RTN1: variants seen among roughly 807,000 people sequenced by gnomAD.
The protein encoded by RTN1 is reticulon 1.
RTN1 carries 25 observed loss-of-function variants against 65.5 expected under a neutral mutation model. That is an observed-to-expected ratio of 0.38 (90% confidence interval 0.28 to 0.53). The LOEUF (loss-of-function observed/expected upper bound fraction) is 0.53. RTN1 is among the 20% of genes least tolerant of loss of function. RTN1 has a pLI of 0.79. For missense variants in RTN1, 983 were observed against 1,025.4 expected (o/e 0.96, Z 0.57); for synonymous variants, 471 against 447.6 (o/e 1.05, Z -0.66).
chr14:59,709,909 C>G (rs1884379014), intron 3 of RTN1, among the ~76,000 whole-genome samples: 1 of 152,144 alleles, frequency 6.6e-6, no homozygotes, highest in South Asian at 2.1e-4. Context: ...TCTCATTGTT[C>G]AAAGTTAGCT....
At chr14:59,761,601 T>G (rs181423420) in intron 1 of RTN1, among the ~76,000 whole-genome samples, 1 of 152,262 alleles carries the variant, frequency 6.6e-6, no homozygotes, top group African/African-American at 2.4e-5. Flanking sequence ...CAAAACAGAC[T>G]GAAGAAGACC....
At chr14:59,617,063 A>G (rs193158716) in intron 3 of RTN1, among the ~76,000 whole-genome samples, 68 of 152,382 alleles carry the variant, frequency 4.5e-4, no homozygotes, top group Middle Eastern at 3.4e-3. Flanking sequence ...CATAAGTGTA[A>G]TAACAATCTG....
chr14:59,638,777 G>A (rs1288394947), intron 3 of RTN1, among the ~76,000 whole-genome samples: 4 of 152,202 alleles, frequency 2.6e-5, no homozygotes, highest in Non-Finnish European at 4.4e-5. Flanking sequence ...GTTAGGGTTG[G>A]TTTGGTCTTC....
chr14:59,742,694 T>A (rs7159057), intron 2 of RTN1, among the ~76,000 whole-genome samples: 11 of 152,006 alleles, frequency 7.2e-5, no homozygotes, highest in Non-Finnish European at 7.4e-5. Flanking sequence ...AACTGGACCC[T>A]TTTTTGCTTA....
At chr14:59,824,550 T>C (rs1192458812) in intron 1 of RTN1, among the ~76,000 whole-genome samples, 2 of 152,214 alleles carry the variant, frequency 1.3e-5, no homozygotes, top group African/African-American at 4.8e-5. Flanking sequence ...CAAATGTTTG[T>C]ATTCATGTGA....
rs768232682 is a variant in RTN1, at chr14:59,745,732, T to C, written c.991A>G (p.Ile331Val). 1.2e-6 allele frequency: 2 copies of C among 1,609,864 alleles called. No homozygotes were observed. The highest frequency in any genetic ancestry group is 8.5e-7 in the Non-Finnish European group (1 of 1,178,502). Residue 331 changes from isoleucine (I) to valine (V), a missense_variant, in exon 2 of 9, where the codon ATC becomes GTC. Physicochemically the swap from Ile to Val is conservative, Grantham distance 29 (BLOSUM62 3). Coordinates refer to ENST00000267484, the MANE Select transcript of RTN1 (RefSeq NM_021136.3). ...CCTGTTCCAGAAGATGGAGGGGTGATAGATCCTGGGCTGTCGTCTTCAGGC... is the reference window on the plus strand; with the variant it reads ...CCTGTTCCAGAAGATGGAGGGGTGACAGATCCTGGGCTGTCGTCTTCAGGC... ...SEPEDDSPGS[I>V]TPPSSGTEPS...
intron 3 of RTN1, among the ~76,000 whole-genome samples, chr14:59,724,640 G>A (rs1022844530): frequency 9.2e-5 from 14 of 152,104 alleles, no homozygotes; most frequent in Middle Eastern, 3.4e-3. Context: ...CAAGGCAGGC[G>A]GATCGCCTAA....
In RTN1 at chr14:59,660,812, CA is replaced by C. The variant is rs560350815; in HGVS notation, c.1766-53321del. On this transcript the variant is annotated intron_variant, in intron 3 of 8. Transcript: ENST00000267484. ...AGACCTAAAATTTACACCCTAACAT[CA>C]AAATGAAAAGAAACAGAGAAGCAAG... 4.6e-5 allele frequency among the ~76,000 whole-genome samples: 7 copies of C among 151,994 alleles called. No individual in the cohort carries two copies. In the South Asian group the frequency reaches 1.5e-3, roughly 32 times the overall value.
chr14:59,601,289 A>C (rs1881570990), intron 8 of RTN1, among the ~76,000 whole-genome samples: 1 of 152,090 alleles, frequency 6.6e-6, no homozygotes, highest in Non-Finnish European at 1.5e-5. Flanking sequence ...CCACGTGATG[A>C]CTGTTTACCC....
intron 2 of RTN1, among the ~76,000 whole-genome samples, chr14:59,745,016 T>C (rs963277311): frequency 6.6e-6 from 1 of 152,194 alleles, no homozygotes; most frequent in African/African-American, 2.4e-5. Context: ...GAGTGGATTA[T>C]CCCACTCATG....
At chr14:59,817,786 G>A (rs1251544768) in intron 1 of RTN1, among the ~76,000 whole-genome samples, 2 of 152,092 alleles carry the variant, frequency 1.3e-5, no homozygotes, top group Non-Finnish European at 2.9e-5. Context: ...TCAGCACATT[G>A]CGTTTTCTCT....
intron 3 of RTN1, among the ~76,000 whole-genome samples, chr14:59,702,715 T>C (rs553831684): frequency 6.6e-6 from 1 of 152,342 alleles, no homozygotes; most frequent in African/African-American, 2.4e-5. Flanking sequence ...ATGGGTCTTC[T>C]TACTTCTGCC....
intron 3 of RTN1, among the ~76,000 whole-genome samples, chr14:59,627,827 G>A (rs893094251): frequency 6.6e-6 from 1 of 152,126 alleles, no homozygotes; most frequent in Non-Finnish European, 1.5e-5. Flanking sequence ...ATTTCTCCAT[G>A]TAGTATTTAA....
chr14:59,819,195 G>A (rs967752599), intron 1 of RTN1, among the ~76,000 whole-genome samples: 1 of 152,072 alleles, frequency 6.6e-6, no homozygotes, highest in South Asian at 2.1e-4. Flanking sequence ...AAAGTGGCGC[G>A]GACCTGAAAG....
At chr14:59,663,083 A>C (rs1883286965) in intron 3 of RTN1, among the ~76,000 whole-genome samples, 1 of 152,180 alleles carries the variant, frequency 6.6e-6, no homozygotes, top group African/African-American at 2.4e-5. Flanking sequence ...AGACTAATGG[A>C]ACAGAACAGA....
intron 4 of RTN1, chr14:59,606,000 G>T (rs1317089108): frequency 6.6e-6 from 1 of 150,802 alleles, no homozygotes; most frequent in Non-Finnish European, 1.5e-5. Context: ...AAGTGACCTG[G>T]GCCATATTAA....
rs532198700 is a variant in RTN1, at chr14:59,810,042, G to A, written c.241+60348C>T. 5.3e-5 allele frequency among the ~76,000 whole-genome samples: 8 copies of A among 152,260 alleles called. No homozygotes were observed. In the South Asian group the frequency reaches 1.7e-3, roughly 32 times the overall value. ...TGTGCTACCTGCAAGAGAAAGAAAA[G>A]ACTCATTTTGGGAGATGATTTTCCC... On this transcript the variant is annotated intron_variant, in intron 1 of 8. Transcript: ENST00000267484.
At chr14:59,605,066 T>C (rs1203840780) in intron 5 of RTN1, 2 of 208,516 alleles carry the variant, frequency 9.6e-6, no homozygotes, top group African/African-American at 4.6e-5. Flanking sequence ...TAAAAATGGT[T>C]TAAGGAGACA....
At chr14:59,793,845 A>G (rs980130232) in intron 1 of RTN1, among the ~76,000 whole-genome samples, 1 of 152,108 alleles carries the variant, frequency 6.6e-6, no homozygotes, top group Non-Finnish European at 1.5e-5. Flanking sequence ...TTCTGACCCC[A>G]ACTTTCAAAC....
Sources: allele counts gnomAD v4.1 joint callset (sites outside exome capture counted in the v4.1 genomes callset), GRCh38; gene constraint gnomAD v4.1.1; transcripts MANE v1.5; gene names NCBI Gene and HGNC (gene_info 2026-07-23, HGNC 2026-07-21).